The following PDS5A variants were observed in gnomAD, a reference collection of about 807,000 sequenced individuals.
PDS5A encodes PDS5 cohesin associated factor A, also known as sister chromatid cohesion protein PDS5 homolog A.
In PDS5A, 42 loss-of-function variants were observed where a neutral mutation model predicts 167.1. The observed-to-expected ratio is 0.25, with a 90% CI of 0.20 to 0.33. The LOEUF is 0.33. Ranked by LOEUF, PDS5A falls within the 10% of genes least tolerant of loss-of-function variation. The pLI is 1.00. For missense variants in PDS5A, 1,033 were observed against 1,605.9 expected (o/e 0.64, Z 6.10); for synonymous variants, 553 against 554.6 (o/e 1.00, Z 0.04).
chr4:39,915,402 C>A (rs992115130), intron 8 of PDS5A, among the ~76,000 whole-genome samples: 39 of 147,320 alleles, frequency 2.6e-4, no homozygotes, highest in African/African-American at 9.4e-4. Flanking sequence ...CTCTATCACC[C>A]AGGCTGGAGT....
chr4:39,933,961 T>C (rs1363638825), intron 2 of PDS5A, among the ~76,000 whole-genome samples: 1 of 152,122 alleles, frequency 6.6e-6, no homozygotes, highest in Non-Finnish European at 1.5e-5. Context: ...AAGTATGGAG[T>C]GAGCTGTTGT....
intron 7 of PDS5A, 145 bp downstream of exon 7, chr4:39,920,174 G>A: frequency 2.6e-6 from 1 of 379,594 alleles, no homozygotes. Context: ...AACTTATGCT[G>A]CATTTCTCTA....
chr4:39,972,256 T>C (rs1464354028), intron 2 of PDS5A, among the ~76,000 whole-genome samples: 2 of 151,890 alleles, frequency 1.3e-5, no homozygotes, highest in East Asian at 3.9e-4. Flanking sequence ...GCGCGGTGGC[T>C]CACGCCTGTA....
At chr4:39,932,397 T>C (rs1239719856) in intron 2 of PDS5A, 2 of 162,888 alleles carry the variant, frequency 1.2e-5, no homozygotes, top group Non-Finnish European at 2.8e-5. Context: ...TGAGCTGCCA[T>C]CTAAACTTAG....
intron 2 of PDS5A, among the ~76,000 whole-genome samples, chr4:39,932,255 C>T (rs967683296): frequency 1.3e-5 from 2 of 152,156 alleles, no homozygotes; most frequent in African/African-American, 2.4e-5. Flanking sequence ...GCCTGATAAG[C>T]ATTTGTACGT....
chr4:39,834,423 C>T (rs989348876), intron 32 of PDS5A, among the ~76,000 whole-genome samples: 2 of 152,176 alleles, frequency 1.3e-5, no homozygotes, highest in Non-Finnish European at 2.9e-5. Flanking sequence ...GAGTCCTCCT[C>T]CACCATGACA....
chr4:39,967,257 A>G (rs1177033966), intron 2 of PDS5A, among the ~76,000 whole-genome samples: 1 of 152,118 alleles, frequency 6.6e-6, no homozygotes, highest in Non-Finnish European at 1.5e-5. Flanking sequence ...GTGAGCCAAG[A>G]GCTTGCCACT....
At chr4:39,976,695 C>G in intron 1 of PDS5A, 78 bp from the exon 2 acceptor site, 2 of 704,870 alleles carry the variant, frequency 2.8e-6, no homozygotes, top group Non-Finnish European at 4.5e-6. Context: ...TCTCTCTAAT[C>G]TGGAAAAGGC....
chr4:39,890,127 C>T (rs1374009029), intron 17 of PDS5A, 122 bp downstream of exon 17: 2 of 579,880 alleles, frequency 3.4e-6, no homozygotes, highest in Non-Finnish European at 6.1e-6. Context: ...GATGTACAAC[C>T]CTGTGATTAA....
chr4:39,916,258 C>T (rs1279597169), intron 8 of PDS5A, among the ~76,000 whole-genome samples: 1 of 151,502 alleles, frequency 6.6e-6, no homozygotes, highest in African/African-American at 2.4e-5. Flanking sequence ...GAGTTCAAGG[C>T]AGTATTAAAC....
At chr4:39,837,482 T>C (rs2109482894) in intron 32 of PDS5A, 1 of 196,464 alleles carries the variant, frequency 5.1e-6, no homozygotes, top group South Asian at 1.1e-4. Flanking sequence ...TATTACCTAT[T>C]GACATTTCGT....
intron 2 of PDS5A, among the ~76,000 whole-genome samples, chr4:39,950,953 G>C (rs910907636): frequency 1.3e-5 from 2 of 151,936 alleles, no homozygotes; most frequent in African/African-American, 4.8e-5. Flanking sequence ...GACCAGGCTG[G>C]AATACAGTGG....
chr4:39,920,042 T>C (rs1344068614), intron 7 of PDS5A, among the ~76,000 whole-genome samples: 1 of 144,812 alleles, frequency 6.9e-6, no homozygotes, highest in Non-Finnish European at 1.5e-5. Context: ...CCAAGGAAAA[T>C]ATGAAAGAGA....
chr4:39,884,648 G>A (rs758025393), intron 17 of PDS5A, among the ~76,000 whole-genome samples: 7 of 151,258 alleles, frequency 4.6e-5, no homozygotes, highest in Non-Finnish European at 8.9e-5. Context: ...GCCCCTCTTT[G>A]GTTTCTGTGA....
intron 30 of PDS5A, among the ~76,000 whole-genome samples, chr4:39,844,331 G>T (rs1054051883): frequency 2.6e-5 from 4 of 151,560 alleles, no homozygotes; most frequent in African/African-American, 9.7e-5. Flanking sequence ...AAAAATTAGC[G>T]GGGCGTGGTG....
At chr4:39,881,629 C>A (rs1720937364) in intron 17 of PDS5A, among the ~76,000 whole-genome samples, 1 of 152,080 alleles carries the variant, frequency 6.6e-6, no homozygotes, top group Admixed American at 6.6e-5. Flanking sequence ...GGTTGTACCA[C>A]CTAACTGTAG....
At chr4:39,841,899 T>G in intron 31 of PDS5A, 49 bp downstream of exon 31, 2 of 996,396 alleles carry the variant, frequency 2.0e-6, no homozygotes, top group East Asian at 4.8e-5. Flanking sequence ...ACGGAAAAAC[T>G]GTAATAATCT....
rs1720953304 is a variant in PDS5A at position 39,881,817 on chromosome 4, T to G, written c.1887-1984A>C. ...TCATAGGGTTTGGCTGTGTCCCCAC[T>G]CAAATCTCACTTTGAACTGTAATAA... is the stretch of plus-strand genomic sequence containing the variant. On this transcript the variant is annotated intron_variant, in intron 17 of 32. Transcript: ENST00000303538. 2.0e-5 allele frequency among the ~76,000 whole-genome samples: 3 copies of G among 152,340 alleles called. No homozygotes were observed. In the South Asian group the frequency reaches 6.2e-4, roughly 32 times the overall value.
chr4:39,849,265 C>T (rs1248328670), intron 27 of PDS5A, among the ~76,000 whole-genome samples: 1 of 152,046 alleles, frequency 6.6e-6, no homozygotes, highest in Non-Finnish European at 1.5e-5. Flanking sequence ...ACTGTAAGTT[C>T]GTAATATACC....
Sources: gnomAD v4.1 joint callset for allele counts (sites outside exome capture counted in the v4.1 genomes callset) on GRCh38, gnomAD v4.1.1 for gene constraint, MANE v1.5 for transcripts, NCBI Gene and HGNC (gene_info 2026-07-23, HGNC 2026-07-21) for gene names.